Variants in NRP2 observed in about 807,000 individuals in gnomAD.
NRP2 encodes the protein neuropilin 2.
A neutral mutation model predicts 110.4 loss-of-function variants in NRP2; 52 were observed. That is an observed-to-expected ratio of 0.47 (90% CI 0.38 to 0.59). NRP2 has a LOEUF of 0.59. NRP2 is among the 20% of genes least tolerant of loss of function. The pLI is 0.00. For missense variants in NRP2, 1,049 were observed against 1,203.0 expected (o/e 0.87, Z 1.89); for synonymous variants, 508 against 468.9 (o/e 1.08, Z -1.08).
intron 1 of NRP2, among the ~76,000 whole-genome samples, chr2:205,690,071 C>A (rs1054817266): frequency 6.6e-6 from 1 of 152,178 alleles, no homozygotes; most frequent in East Asian, 1.9e-4. Flanking sequence ...ACCCTGCTCC[C>A]GCCTCCACAA....
chr2:205,714,187 G>T (rs188843044), intron 2 of NRP2, among the ~76,000 whole-genome samples: 110 of 152,296 alleles, frequency 7.2e-4, no homozygotes, highest in Non-Finnish European at 1.1e-3. Flanking sequence ...AACCCTAGGA[G>T]AAGACTGTAA....
chr2:205,780,613 C>G (rs2105956680), intron 15 of NRP2, among the ~76,000 whole-genome samples: 1 of 152,306 alleles, frequency 6.6e-6, no homozygotes, highest in East Asian at 1.9e-4. Flanking sequence ...TGGGATTTAT[C>G]AGAGGCCTTC....
chr2:205,742,557 G>A (rs2057461974), intron 8 of NRP2, among the ~76,000 whole-genome samples: 1 of 152,192 alleles, frequency 6.6e-6, no homozygotes, highest in African/African-American at 2.4e-5. Context: ...GTGACTGAAG[G>A]GAAAAGCATT....
intron 9 of NRP2, 39 bp downstream of exon 9, chr2:205,743,591 AC>A (rs1559342202): frequency 9.3e-6 from 15 of 1,608,718 alleles, no homozygotes; most frequent in Non-Finnish European, 1.3e-5. Flanking sequence ...GTTACCCTCA[AC>A]AGGGAGGCTA....
At position 205,706,037 on chromosome 2, in the gene NRP2, C is replaced by G. The variant is rs138307891; in HGVS notation, c.251+8316C>G. 6.6e-4 allele frequency among the ~76,000 whole-genome samples: 100 copies of G among 152,068 alleles called. 1 individual carries two copies. The highest frequency in any genetic ancestry group is 2.3e-3 in the African/African-American group (97 of 41,474). ...CTCTCAGTCCATCGTCTCTCTCTGC[C>G]TCCCTGTCACCTACCTCCTACTCCC... On this transcript the variant is annotated intron_variant, in intron 2 of 16. Transcript: ENST00000357785.
rs199863358 is a variant in NRP2 at position 205,755,607 on chromosome 2, AG to A, written c.2044+2635del. On this transcript the variant is annotated intron_variant, in intron 12 of 16. Transcript: ENST00000357785. ...AGGGTGGTCCTTACTTCTTCTCCAT[AG>A]GGAAAAAAAAAAAAGGAGGGGGAGG... 1.3e-3 allele frequency among the ~76,000 whole-genome samples: 116 copies of A among 89,936 alleles called. 2 individuals are homozygous for A. The highest frequency in any genetic ancestry group is 3.3e-3 in the African/African-American group (100 of 30,172). The allele number at this position is 89,936 out of a possible 152,430, so 59.0% of individuals were successfully genotyped here. A position where few individuals can be genotyped will look rare whatever the true frequency, so the allele number is the denominator to read the frequency against.
intron 2 of NRP2, among the ~76,000 whole-genome samples, chr2:205,703,588 G>A (rs2056608059): frequency 6.6e-6 from 1 of 152,152 alleles, no homozygotes; most frequent in South Asian, 2.1e-4. Flanking sequence ...ATTTGGCAGG[G>A]GACATGATAT....
chr2:205,693,601 A>G (rs2056359096), intron 1 of NRP2, among the ~76,000 whole-genome samples: 1 of 152,216 alleles, frequency 6.6e-6, no homozygotes, highest in East Asian at 1.9e-4. Context: ...TTTGAATTAC[A>G]GTTTGTGAAG....
chr2:205,763,913 C>T lies in NRP2; in HGVS notation c.2284C>T (p.Pro762Ser), dbSNP rs779810589. The change falls in exon 13 of 17, where the codon CCC becomes TCC. Residue 762 changes from proline to serine, a missense_variant. Pro to Ser is a moderately conservative substitution (Grantham distance 74). Coordinates refer to ENST00000357785, the MANE Select transcript of NRP2 (RefSeq NM_003872.3). This position sits in a 1 kb window ranked among gnomAD's most constrained non-coding sequence, Gnocchi z 4.0. ...GTGGAAGCACGGGCGGATCATCCTG[C>T]CCAGCTACGACATGGAGTACCAGGT... ...GEWKHGRIIL[P>S]SYDMEYQIVF... The T allele has an allele frequency of 6.2e-7, 1 of 1,614,060 alleles. No homozygotes were observed. Among genetic ancestry groups the T allele is most frequent in the Non-Finnish European group, 8.5e-7 (1 of 1,179,986 alleles).
intron 15 of NRP2, among the ~76,000 whole-genome samples, chr2:205,783,971 A>G (rs565909321): frequency 4.8e-4 from 62 of 128,164 alleles, no homozygotes; most frequent in Non-Finnish European, 9.2e-4. Flanking sequence ...ATGAGTTGAG[A>G]TCTGGATGAA....
chr2:205,750,234 T>C (rs1442955237), intron 11 of NRP2, among the ~76,000 whole-genome samples: 1 of 152,228 alleles, frequency 6.6e-6, no homozygotes, highest in Non-Finnish European at 1.5e-5. Flanking sequence ...GTGTGTATGC[T>C]ACAGCGAAGT....
chr2:205,718,911 C>T (rs1364113430), intron 3 of NRP2, among the ~76,000 whole-genome samples: 1 of 148,478 alleles, frequency 6.7e-6, no homozygotes, highest in African/African-American at 2.5e-5. Flanking sequence ...CATTGCACTC[C>T]AGCCTGGACG....
At chr2:205,754,714 A>C (rs1382902921) in intron 12 of NRP2, among the ~76,000 whole-genome samples, 1 of 152,086 alleles carries the variant, frequency 6.6e-6, no homozygotes. Context: ...GTTTTATCTG[A>C]ATGTAAAGAA....
chr2:205,789,669 C>T (rs1044099850), intron 15 of NRP2, among the ~76,000 whole-genome samples: 20 of 152,272 alleles, frequency 1.3e-4, no homozygotes, highest in African/African-American at 2.2e-4. Flanking sequence ...TCCCAGAGGC[C>T]GGTAGCTTTA....
intron 7 of NRP2, among the ~76,000 whole-genome samples, chr2:205,739,513 G>C (rs1430304057): frequency 6.6e-6 from 1 of 152,092 alleles, no homozygotes; most frequent in African/African-American, 2.4e-5. Context: ...CTCCTAAGCA[G>C]GAGAAGTCGC....
intron 3 of NRP2, 133 bp downstream of exon 3, chr2:205,716,507 G>A: frequency 1.6e-6 from 1 of 640,964 alleles, no homozygotes; most frequent in African/African-American, 2.1e-5. Flanking sequence ...GGTTCAAGGT[G>A]AACCCACAAA....
At chr2:205,776,536 C>G in intron 15 of NRP2, 1 of 1,602,466 alleles carries the variant, frequency 6.2e-7, no homozygotes, top group Non-Finnish European at 8.5e-7. Context: ...AGGGCCGAAG[C>G]AAGAACAGCA....
At chr2:205,705,651 T>G (rs1280315692) in intron 2 of NRP2, among the ~76,000 whole-genome samples, 1 of 152,124 alleles carries the variant, frequency 6.6e-6, no homozygotes, top group Non-Finnish European at 1.5e-5. Flanking sequence ...ACCCTAAGTT[T>G]TCTATGTTTA....
chr2:205,691,919 C>T (rs1196371293), intron 1 of NRP2, among the ~76,000 whole-genome samples: 2 of 152,114 alleles, frequency 1.3e-5, no homozygotes, highest in South Asian at 2.1e-4. Flanking sequence ...TACATTTTAC[C>T]GATTAAATGA....
Sources: allele counts gnomAD v4.1 joint callset (sites outside exome capture counted in the v4.1 genomes callset), GRCh38; gene constraint gnomAD v4.1.1; non-coding constraint Gnocchi (gnomAD v3.1); transcripts MANE v1.5; gene names NCBI Gene and HGNC (gene_info 2026-07-23, HGNC 2026-07-21).